The following PNPT1 variants were observed in gnomAD, a reference collection of about 807,000 sequenced individuals.
The protein encoded by PNPT1 is polyribonucleotide nucleotidyltransferase 1, mitochondrial.
In PNPT1, 53 loss-of-function variants were observed where a neutral mutation model predicts 119.5. The observed-to-expected ratio is 0.44, with a 90% CI of 0.36 to 0.56. The LOEUF (loss-of-function observed/expected upper bound fraction) is 0.56. PNPT1 is among the 20% of genes least tolerant of loss of function. The pLI, the probability that PNPT1 is intolerant of heterozygous loss-of-function variation, is 0.00. For missense variants in PNPT1, 948 were observed against 938.5 expected (o/e 1.01, Z -0.13); for synonymous variants, 357 against 322.1 (o/e 1.11, Z -1.16).
chr2:55,654,215 C>G (rs1010553537), intron 18 of PNPT1, among the ~76,000 whole-genome samples: 2 of 150,716 alleles, frequency 1.3e-5, no homozygotes, highest in Non-Finnish European at 2.9e-5. Flanking sequence ...CGAGACTGCA[C>G]CACTGCACTT....
At chr2:55,663,156 T>C (rs1323000236) in intron 13 of PNPT1, among the ~76,000 whole-genome samples, 3 of 152,172 alleles carry the variant, frequency 2.0e-5, no homozygotes, top group Admixed American at 2.0e-4. Context: ...AGTGCTGGGA[T>C]TACAGGCGTG....
chr2:55,644,651 A>G lies in PNPT1; in HGVS notation c.1892T>C (p.Leu631Pro). Reference protein sequence around the residue: ...VGPGGYNLKKLQAETGVTISQ... With the variant: ...VGPGGYNLKKPQAETGVTISQ... ...ACAACTCTTACCTGTTTCAGCCTGA[A>G]GTTTTTTTAAGTTATAGCCACCAGG... Residue 631 changes from leucine to proline, a missense_variant, in exon 23 of 28, where the codon CTT (leucine) becomes CCT (proline). By Grantham distance (98) the Leu-to-Pro change is moderately conservative. Coordinates refer to ENST00000447944, the MANE Select transcript of PNPT1 (RefSeq NM_033109.5). The G allele has an allele frequency of 6.2e-7, 1 of 1,609,014 alleles. No individual in the cohort carries two copies. Among genetic ancestry groups the G allele is most frequent in the Non-Finnish European group, 8.5e-7 (1 of 1,175,736 alleles).
At chr2:55,685,664 C>G (rs1050473038) in intron 3 of PNPT1, among the ~76,000 whole-genome samples, 9 of 152,102 alleles carry the variant, frequency 5.9e-5, no homozygotes, top group Admixed American at 5.9e-4. Flanking sequence ...TTGTACACCC[C>G]TTTTCATAAT....
chr2:55,680,692 A>T lies in PNPT1; in HGVS notation c.565+20T>A. ...AAAAAAAATACACATATGATTTCTT[A>T]CTTTTAAATCCTAACTTACCAACAG... On this transcript the variant is annotated intron_variant, in intron 7 of 27. Transcript: ENST00000447944. 6.2e-7 allele frequency: 1 copy of T among 1,602,618 alleles called. No homozygotes were observed. The highest frequency in any genetic ancestry group is 8.5e-7 in the Non-Finnish European group (1 of 1,173,814).
At chr2:55,670,294 C>T (rs569364480) in intron 11 of PNPT1, among the ~76,000 whole-genome samples, 2 of 152,212 alleles carry the variant, frequency 1.3e-5, no homozygotes, top group Non-Finnish European at 1.5e-5. Context: ...TCACGCCATT[C>T]TCCTGCCTCA....
At chr2:55,647,235 G>C (rs567692379) in intron 19 of PNPT1, 112 bp downstream of exon 19, 3 of 778,052 alleles carry the variant, frequency 3.9e-6, no homozygotes, top group Admixed American at 5.9e-5. Context: ...CTAAGCATAC[G>C]CTAGGTGCAA....
At chr2:55,682,842 G>C (rs1021289222) in intron 5 of PNPT1, among the ~76,000 whole-genome samples, 1 of 152,046 alleles carries the variant, frequency 6.6e-6, no homozygotes. Context: ...TCAGGAGTTT[G>C]AGGCTGCAGT....
At chr2:55,651,853 A>C (rs1292572529) in intron 18 of PNPT1, among the ~76,000 whole-genome samples, 3 of 150,336 alleles carry the variant, frequency 2.0e-5, no homozygotes, top group African/African-American at 7.3e-5. Flanking sequence ...ACAACTAGGA[A>C]ATAAAGAGAA....
intron 8 of PNPT1, among the ~76,000 whole-genome samples, chr2:55,676,874 A>C (rs538829696): frequency 2.0e-5 from 3 of 152,288 alleles, no homozygotes; most frequent in African/African-American, 7.2e-5. Context: ...AAAAAAAAAA[A>C]AAAGATTTGG....
At chr2:55,641,506 C>T (rs1040008565) in intron 25 of PNPT1, among the ~76,000 whole-genome samples, 14 of 151,354 alleles carry the variant, frequency 9.2e-5, no homozygotes, top group South Asian at 6.3e-4. Context: ...CAAAAATTTT[C>T]GAAATGACAT....
At chr2:55,688,793 C>G (rs1317059347) in intron 1 of PNPT1, among the ~76,000 whole-genome samples, 1 of 152,102 alleles carries the variant, frequency 6.6e-6, no homozygotes, top group Non-Finnish European at 1.5e-5. Context: ...TCTCCCAATG[C>G]TTTTAGGACA....
At chr2:55,670,093 G>C (rs908066749) in intron 11 of PNPT1, among the ~76,000 whole-genome samples, 37 of 151,238 alleles carry the variant, frequency 2.4e-4, no homozygotes, top group African/African-American at 8.3e-4. Context: ...TCATGTGAGA[G>C]TATATTTGTC....
rs1695903023 is a variant in PNPT1 at position 55,643,569 on chromosome 2, A to G, written c.1907-144T>C. ...AGGCCAGCCTGGGCAACATAGGGAGAGCCTGTTACTACAAAAAATAAATTC... is the reference window on the plus strand; with the variant it reads ...AGGCCAGCCTGGGCAACATAGGGAGGGCCTGTTACTACAAAAAATAAATTC... On this transcript the variant is annotated intron_variant, in intron 23 of 27. Coordinates refer to ENST00000447944, the MANE Select transcript of PNPT1 (RefSeq NM_033109.5). 2.3e-5 allele frequency: 15 copies of G among 666,212 alleles called. No individual in the cohort carries two copies. In the South Asian group the frequency reaches 2.8e-4, roughly 12 times the overall value. The allele number at this position is 666,212 out of a possible 1,614,324, so 41.3% of individuals were successfully genotyped here. A position where few individuals can be genotyped will look rare whatever the true frequency, so the allele number is the denominator to read the frequency against.
At chr2:55,664,972 C>T (rs1696689926) in intron 13 of PNPT1, among the ~76,000 whole-genome samples, 4 of 151,832 alleles carry the variant, frequency 2.6e-5, no homozygotes, top group Admixed American at 2.6e-4. Context: ...TACTAAAATT[C>T]AAATAAAGGA....
At chr2:55,676,215 C>T (rs1005350745) in intron 8 of PNPT1, among the ~76,000 whole-genome samples, 7 of 144,788 alleles carry the variant, frequency 4.8e-5, no homozygotes, top group Non-Finnish European at 1.1e-4. Context: ...GCCGAGATTG[C>T]GCCACTGCAC....
chr2:55,651,080 CA>C (rs1229164056), intron 18 of PNPT1, among the ~76,000 whole-genome samples: 1 of 141,500 alleles, frequency 7.1e-6, no homozygotes, highest in Non-Finnish European at 1.6e-5. Context: ...GTGGGGGGGT[CA>C]GCCCCCCCGC....
At chr2:55,654,853 T>G (rs199650818) in intron 18 of PNPT1, 47 bp downstream of exon 18, 1 of 1,581,262 alleles carries the variant, frequency 6.3e-7, no homozygotes, top group East Asian at 2.2e-5. Flanking sequence ...ATGCCTGGGA[T>G]TACAGGCATG....
In PNPT1 at chr2:55,643,328, G is replaced by A. The variant is rs768654691; in HGVS notation, c.2004C>T (p.Cys668=). Residue 668 remains cysteine, a synonymous_variant, in exon 24 of 28, where the codon TGC becomes TGT. Coordinates refer to ENST00000447944, the MANE Select transcript of PNPT1 (RefSeq NM_033109.5). ...TATGATCTATACTTACATCATCCTT[G>A]CAGATTTCAGTAATGAAGTCTCTTG... ...HEARDFITEI[C]KDDQEQQLEF... 8 of 1,613,696 alleles carry A rather than the reference G, an allele frequency of 5.0e-6. No individual in the cohort carries two copies. Among genetic ancestry groups the A allele is most frequent in the Non-Finnish European group, 4.2e-6 (5 of 1,179,700 alleles).
intron 26 of PNPT1, among the ~76,000 whole-genome samples, chr2:55,638,966 G>C (rs181980426): frequency 4.4e-4 from 67 of 152,130 alleles, no homozygotes; most frequent in African/African-American, 1.5e-3. Flanking sequence ...AGTAGACACG[G>C]GGGTTTGCCA....
Sources: gnomAD v4.1 joint callset for allele counts (sites outside exome capture counted in the v4.1 genomes callset) on GRCh38, gnomAD v4.1.1 for gene constraint, MANE v1.5 for transcripts, NCBI Gene and HGNC (gene_info 2026-07-23, HGNC 2026-07-21) for gene names.